Variants in PHLPP1 observed in about 807,000 individuals in gnomAD.
PHLPP1 encodes PH domain leucine-rich repeat-containing protein phosphatase 1.
In PHLPP1, 42 loss-of-function variants were observed where a neutral mutation model predicts 117.2. The observed-to-expected ratio is 0.36, with a 90% CI of 0.28 to 0.46. The LOEUF is 0.46. Ranked by LOEUF, PHLPP1 falls within the 20% of genes least tolerant of loss-of-function variation. The probability of loss-of-function intolerance (pLI) is 1.00; values close to 1 mark genes in which losing one functional copy is unlikely to be tolerated. For missense variants in PHLPP1, 2,084 were observed against 2,241.9 expected (o/e 0.93, Z 1.42); for synonymous variants, 1,042 against 970.7 (o/e 1.07, Z -1.37).
intron 10 of PHLPP1, 118 bp downstream of exon 10, chr18:62,920,232 T>C (rs999827686): frequency 2.0e-5 from 20 of 1,012,486 alleles, no homozygotes; most frequent in Non-Finnish European, 2.8e-5. Flanking sequence ...CCCAGATTTG[T>C]GAAGGAAATA....
intron 1 of PHLPP1, among the ~76,000 whole-genome samples, chr18:62,791,975 TTC>T (rs1167973496): frequency 6.6e-6 from 1 of 152,170 alleles, no homozygotes; most frequent in Non-Finnish European, 1.5e-5. Context: ...TGGAGACATT[TTC>T]TCTCTTTCTG....
intron 3 of PHLPP1, among the ~76,000 whole-genome samples, chr18:62,859,003 C>G (rs761866157): frequency 1.3e-5 from 2 of 152,050 alleles, no homozygotes; most frequent in South Asian, 4.1e-4. Flanking sequence ...AGTGGTGGTG[C>G]TGGGCTATGA....
intron 1 of PHLPP1, among the ~76,000 whole-genome samples, chr18:62,745,541 T>C (rs1171757431): frequency 1.3e-5 from 2 of 152,170 alleles, no homozygotes; most frequent in Non-Finnish European, 2.9e-5. Context: ...AGAACTCTCA[T>C]TGAGAGCATG....
intron 14 of PHLPP1, among the ~76,000 whole-genome samples, chr18:62,970,448 A>G (rs1752635337): frequency 6.6e-6 from 1 of 152,164 alleles, no homozygotes; most frequent in Non-Finnish European, 1.5e-5. Context: ...ATTAAGAATC[A>G]CTGTTCTAAG....
intron 10 of PHLPP1, among the ~76,000 whole-genome samples, chr18:62,939,282 T>C (rs945965173): frequency 1.5e-4 from 23 of 152,278 alleles, no homozygotes; most frequent in African/African-American, 5.3e-4. Flanking sequence ...TGTGAGCCAC[T>C]GCGCCCAGCT....
At chr18:62,864,108 A>G (rs944336077) in intron 4 of PHLPP1, among the ~76,000 whole-genome samples, 18 of 151,266 alleles carry the variant, frequency 1.2e-4, no homozygotes, top group Non-Finnish European at 2.5e-4. Flanking sequence ...TGCAACCTCC[A>G]CCTCCCGGGT....
At chr18:62,771,587 AG>A (rs889546039) in intron 1 of PHLPP1, among the ~76,000 whole-genome samples, 3 of 152,208 alleles carry the variant, frequency 2.0e-5, no homozygotes, top group Non-Finnish European at 4.4e-5. Flanking sequence ...TTTGATTAAA[AG>A]GTTAGTGCAC....
intron 1 of PHLPP1, among the ~76,000 whole-genome samples, chr18:62,777,926 C>T (rs1417317650): frequency 6.6e-6 from 1 of 152,142 alleles, no homozygotes; most frequent in Non-Finnish European, 1.5e-5. Flanking sequence ...TTTAAAATTA[C>T]TCCAATCATT....
chr18:62,769,650 A>C (rs1347019423), intron 1 of PHLPP1, among the ~76,000 whole-genome samples: 1 of 152,214 alleles, frequency 6.6e-6, no homozygotes, highest in Non-Finnish European at 1.5e-5. Context: ...TCACTTTACA[A>C]ATAATGTACA....
At chr18:62,924,713 G>A (rs1377415897) in intron 10 of PHLPP1, among the ~76,000 whole-genome samples, 2 of 145,862 alleles carry the variant, frequency 1.4e-5, no homozygotes, top group Non-Finnish European at 3.0e-5. Context: ...AGGTGTGGTG[G>A]CACACACCTC....
intron 4 of PHLPP1, among the ~76,000 whole-genome samples, chr18:62,876,994 G>A (rs1296497845): frequency 6.6e-6 from 1 of 152,010 alleles, no homozygotes; most frequent in African/African-American, 2.4e-5. Context: ...GGAGTTGGGC[G>A]TGCAAGGATG....
At chr18:62,753,470 A>G (rs920070356) in intron 1 of PHLPP1, among the ~76,000 whole-genome samples, 1 of 152,222 alleles carries the variant, frequency 6.6e-6, no homozygotes, top group Admixed American at 6.5e-5. Flanking sequence ...AATGTCCCAT[A>G]AGTTGCACAG....
At chr18:62,724,198 T>G (rs1310699601) in intron 1 of PHLPP1, among the ~76,000 whole-genome samples, 2 of 152,174 alleles carry the variant, frequency 1.3e-5, no homozygotes, top group Non-Finnish European at 2.9e-5. Flanking sequence ...GAGTATAAAG[T>G]ACATCCTCTT....
At chr18:62,926,234 A>T (rs372326953) in intron 10 of PHLPP1, among the ~76,000 whole-genome samples, 19 of 152,294 alleles carry the variant, frequency 1.2e-4, no homozygotes, top group South Asian at 1.0e-3. Flanking sequence ...AAAAAAATCT[A>T]CCTCAGTCCT....
At chr18:62,838,257 T>C (rs1914961442) in intron 2 of PHLPP1, 1 of 152,226 alleles carries the variant, frequency 6.6e-6, no homozygotes, top group East Asian at 1.9e-4. Flanking sequence ...ATGTTACTTT[T>C]GGTGTGTATT....
intron 4 of PHLPP1, among the ~76,000 whole-genome samples, chr18:62,864,274 G>A (rs568835712): frequency 6.6e-5 from 10 of 152,194 alleles, no homozygotes; most frequent in South Asian, 2.1e-4. Context: ...CACCCACCTC[G>A]GCCTCCCAAA....
At chr18:62,790,645 G>A (rs531957518) in intron 1 of PHLPP1, among the ~76,000 whole-genome samples, 1 of 152,254 alleles carries the variant, frequency 6.6e-6, no homozygotes, top group South Asian at 2.1e-4. Flanking sequence ...AAAAGTCACA[G>A]CATTTAAGTG....
chr18:62,893,558 T>C (rs1436825894), intron 4 of PHLPP1, among the ~76,000 whole-genome samples: 1 of 152,342 alleles, frequency 6.6e-6, no homozygotes, highest in East Asian at 1.9e-4. Context: ...CAGCTTTCCA[T>C]TTAGAATCAA....
intron 13 of PHLPP1, among the ~76,000 whole-genome samples, chr18:62,959,353 GA>G (rs1208087579): frequency 6.6e-6 from 1 of 152,110 alleles, no homozygotes; most frequent in East Asian, 1.9e-4. Flanking sequence ...TATATTAAGT[GA>G]AAATATTAAT....
Sources: allele counts gnomAD v4.1 joint callset (sites outside exome capture counted in the v4.1 genomes callset), GRCh38; gene constraint gnomAD v4.1.1; transcripts MANE v1.5; gene names NCBI Gene and HGNC (gene_info 2026-07-23, HGNC 2026-07-21).